DAB1: variants seen among roughly 807,000 people sequenced by gnomAD.
DAB1 encodes the protein DAB adaptor protein 1.
DAB1 carries 15 observed loss-of-function variants against 64.6 expected under a neutral mutation model. The observed-to-expected ratio is 0.23, with a 90% CI of 0.16 to 0.36. The LOEUF is 0.36. Ranked by LOEUF, DAB1 falls within the 10% of genes least tolerant of loss-of-function variation. The probability of loss-of-function intolerance (pLI) is 1.00; values close to 1 mark genes in which losing one functional copy is unlikely to be tolerated. For synonymous variants in DAB1, 235 were observed against 251.9 expected (o/e 0.93, Z 0.64); for missense variants, 596 against 706.7 (o/e 0.84, Z 1.78).
chr1:58,060,915 CTGTT>C (rs1648461097), intron 5 of DAB1, among the ~76,000 whole-genome samples: 1 of 152,342 alleles, frequency 6.6e-6, no homozygotes, highest in East Asian at 1.9e-4. Flanking sequence ...TGGGAGGACA[CTGTT>C]TGGGGAAGCC....
intron 2 of DAB1, among the ~76,000 whole-genome samples, chr1:57,272,530 C>G (rs1331418708): frequency 6.6e-6 from 1 of 152,212 alleles, no homozygotes; most frequent in Non-Finnish European, 1.5e-5. Context: ...ATGATTTCAT[C>G]TAGTCTAAAT....
rs374376932 is a variant in DAB1, at chr1:57,026,002, G to T, written c.765C>A (p.Pro255=). The T allele has an allele frequency of 6.3e-7, 1 of 1,588,256 alleles. No homozygotes were observed. Among genetic ancestry groups the T allele is most frequent in the Non-Finnish European group, 8.5e-7 (1 of 1,169,692 alleles). Residue 255 remains proline, a synonymous_variant, in exon 10 of 15, where the codon CCC becomes CCA. Coordinates refer to ENST00000371236, the MANE Select transcript of DAB1 (RefSeq NM_001365792.1). ...TTACGGGGGGAGAGGTTATATCAGG[G>T]GGTGTGGACATGTCCCCAAAAAGTT... ...QLELFGDMST[P]PDITSPPTPA... is the part of the protein sequence containing the mutation.
chr1:58,344,250 A>G (rs1040889366), intron 3 of DAB1, among the ~76,000 whole-genome samples: 2 of 152,190 alleles, frequency 1.3e-5, no homozygotes, highest in African/African-American at 4.8e-5. Context: ...TCCTGAACAC[A>G]TAGCAGGTGT....
At chr1:57,926,570 T>C (rs1644883070) in intron 5 of DAB1, among the ~76,000 whole-genome samples, 1 of 152,138 alleles carries the variant, frequency 6.6e-6, no homozygotes, top group Non-Finnish European at 1.5e-5. Flanking sequence ...TCTCTCTCAA[T>C]CTCCTTAGCA....
intron 3 of DAB1, among the ~76,000 whole-genome samples, chr1:58,355,017 C>T (rs1040272046): frequency 1.3e-5 from 2 of 152,162 alleles, no homozygotes; most frequent in African/African-American, 4.8e-5. Flanking sequence ...GGAATCTATA[C>T]ATTTATTTCC....
chr1:57,316,364 G>A (rs1675207830), intron 1 of DAB1, among the ~76,000 whole-genome samples: 1 of 152,124 alleles, frequency 6.6e-6, no homozygotes, highest in Admixed American at 6.6e-5. Context: ...TGCAGCACTT[G>A]TTCTAAATCA....
At chr1:58,297,360 AATG>A (rs1335870562) in intron 4 of DAB1, among the ~76,000 whole-genome samples, 1 of 152,216 alleles carries the variant, frequency 6.6e-6, no homozygotes, top group Non-Finnish European at 1.5e-5. Flanking sequence ...CTATAGGTGT[AATG>A]ATGAGTATAA....
At chr1:57,365,480 G>A (rs971980434) in intron 1 of DAB1, among the ~76,000 whole-genome samples, 1 of 150,060 alleles carries the variant, frequency 6.7e-6, no homozygotes, top group Non-Finnish European at 1.5e-5. Context: ...GGTTACACTG[G>A]GAAAATTAAA....
At position 57,010,790 on chromosome 1, in the gene DAB1, G is replaced by A. The variant is rs949079514; in HGVS notation, c.1573C>T (p.Pro525Ser). 2 of 1,558,706 alleles carry A rather than the reference G, an allele frequency of 1.3e-6. No homozygotes were observed. Among genetic ancestry groups the A allele is most frequent in the South Asian group, 1.2e-5 (1 of 83,262 alleles). The change falls in exon 14 of 15, where the codon CCT (proline) becomes TCT (serine). Residue 525 changes from proline (P) to serine (S), a missense_variant and splice_region_variant. Around this residue, in one of 3 missense-constraint regions of DAB1, gnomAD observed 377 missense variants for 400.4 expected, o/e 0.94. Transcript: ENST00000371236. ...TTGGATGAGGCCTGTGATCCATCAG[G>A]CTAGAACACAAGAAGATAATACTTT... is the stretch of plus-strand genomic sequence containing the variant. The part of the protein sequence containing the change: ...SPSKSEEQEA[P>S]DGSQASSNSD...
intron 2 of DAB1, among the ~76,000 whole-genome samples, chr1:57,203,468 C>A (rs1665271392): frequency 1.3e-5 from 2 of 152,154 alleles, no homozygotes; most frequent in Non-Finnish European, 1.5e-5. Context: ...GAGTGGGAAC[C>A]AGTGGCCCAC....
At chr1:57,280,971 GA>G in intron 2 of DAB1, among the ~76,000 whole-genome samples, 1 of 152,122 alleles carries the variant, frequency 6.6e-6, no homozygotes, top group East Asian at 1.9e-4. Context: ...AATAATTATA[GA>G]AAAAATGGGG....
At chr1:58,171,394 C>T (rs1656167718) in intron 4 of DAB1, among the ~76,000 whole-genome samples, 1 of 152,222 alleles carries the variant, frequency 6.6e-6, no homozygotes, top group South Asian at 2.1e-4. Context: ...GGAAATGCAG[C>T]AGTCCCTGCA....
chr1:57,447,317 C>T (rs1287370476), intron 7 of DAB1, among the ~76,000 whole-genome samples: 1 of 152,168 alleles, frequency 6.6e-6, no homozygotes, highest in Admixed American at 6.5e-5. Context: ...CTTCACTGCT[C>T]AAAGGATCCC....
intron 5 of DAB1, among the ~76,000 whole-genome samples, chr1:57,982,339 A>G (rs1214300253): frequency 6.6e-6 from 1 of 152,232 alleles, no homozygotes; most frequent in Admixed American, 6.5e-5. Context: ...TCACTAAATG[A>G]CAAGCAATGG....
intron 4 of DAB1, among the ~76,000 whole-genome samples, chr1:58,180,285 T>C (rs1324915352): frequency 3.1e-4 from 11 of 35,624 alleles, no homozygotes; most frequent in Non-Finnish European, 1.2e-4. Context: ...TCTTTTCTTT[T>C]TTTTTTTTTT....
intron 4 of DAB1, among the ~76,000 whole-genome samples, chr1:58,302,851 C>A (rs1033067304): frequency 6.6e-6 from 1 of 151,898 alleles, no homozygotes; most frequent in Non-Finnish European, 1.5e-5. Context: ...TTTATCTTCA[C>A]CCTGTAGAGC....
At chr1:58,348,109 T>C (rs187594189) in intron 3 of DAB1, among the ~76,000 whole-genome samples, 9 of 152,312 alleles carry the variant, frequency 5.9e-5, no homozygotes, top group African/African-American at 2.2e-4. Flanking sequence ...ATTGCTCTGT[T>C]GGTCCTTTTG....
At chr1:57,132,825 T>A (rs2100785536) in intron 4 of DAB1, among the ~76,000 whole-genome samples, 1 of 152,190 alleles carries the variant, frequency 6.6e-6, no homozygotes, top group African/African-American at 2.4e-5. Flanking sequence ...TCAGGAAAGC[T>A]CATCAGAATG....
At chr1:58,220,490 TG>T (rs1557701163) in intron 4 of DAB1, among the ~76,000 whole-genome samples, 1 of 152,120 alleles carries the variant, frequency 6.6e-6, no homozygotes, top group Non-Finnish European at 1.5e-5. Flanking sequence ...AGCAAGGGGC[TG>T]GGGGGAAGGT....
Sources: allele counts gnomAD v4.1 joint callset (sites outside exome capture counted in the v4.1 genomes callset), GRCh38; gene constraint gnomAD v4.1.1; regional missense constraint gnomAD v4.1.1; transcripts MANE v1.5; gene names NCBI Gene and HGNC (gene_info 2026-07-23, HGNC 2026-07-21).